FAAH2: variants seen among roughly 807,000 people sequenced by gnomAD.
The protein encoded by FAAH2 is fatty-acid amide hydrolase 2.
In FAAH2, 60 loss-of-function variants were observed where a neutral mutation model predicts 36.9. The observed-to-expected ratio is 1.63, with a 90% confidence interval of 1.32 to 2.02. The LOEUF (loss-of-function observed/expected upper bound fraction) is 2.02. Among genes scored for constraint, FAAH2 ranks in the 30% most tolerant of loss-of-function variants. The probability of loss-of-function intolerance (pLI) is 0.00; values close to 1 mark genes in which losing one functional copy is unlikely to be tolerated. For synonymous variants in FAAH2, 214 were observed against 143.8 expected, an observed-to-expected ratio of 1.49 and a Z score of -3.49; for missense variants, 689 against 397.5, an observed-to-expected ratio of 1.73 and a Z score of -6.23.
chrX:57,241,698 T>A, the FAAH2 span, among the ~76,000 whole-genome samples: 15 of 111,972 alleles, frequency 1.3e-4, no homozygotes, highest in East Asian at 2.0e-3. Context: ...ACCCCAATCC[T>A]ACCTTTCCCC....
chrX:57,248,861 C>T, the FAAH2 span, among the ~76,000 whole-genome samples: 4 of 69,652 alleles, frequency 5.7e-5, no homozygotes, highest in Non-Finnish European at 1.0e-4. Flanking sequence ...GACCTTTGTA[C>T]TATTTGGTAC....
intron 5 of FAAH2, among the ~76,000 whole-genome samples, chrX:57,351,263 A>G (rs2053992306): frequency 9.0e-6 from 1 of 111,678 alleles, no homozygotes; most frequent in Non-Finnish European, 1.9e-5. Flanking sequence ...AAAGAATTTA[A>G]GATGGAAAGC....
intron 7 of FAAH2, among the ~76,000 whole-genome samples, chrX:57,428,082 A>G (rs1475479455): frequency 8.9e-6 from 1 of 111,879 alleles, no homozygotes; most frequent in African/African-American, 3.2e-5. Context: ...ATGTACAAAA[A>G]TTACTATTTA....
At chrX:57,158,072 C>A in the FAAH2 span, among the ~76,000 whole-genome samples, 1 of 111,076 alleles carries the variant, frequency 9.0e-6, no homozygotes, top group Non-Finnish European at 1.9e-5. Flanking sequence ...TTGCTCAATT[C>A]GCACCAATGA....
intron 5 of FAAH2, among the ~76,000 whole-genome samples, chrX:57,373,387 A>G (rs1273616676): frequency 1.5e-5 from 1 of 64,525 alleles, no homozygotes; most frequent in Non-Finnish European, 4.3e-5. Flanking sequence ...CCATGCCAAC[A>G]TCTTTTTTTT....
At chrX:57,195,067 A>G in the FAAH2 span, among the ~76,000 whole-genome samples, 1 of 111,354 alleles carries the variant, frequency 9.0e-6, no homozygotes, top group African/African-American at 3.3e-5. Flanking sequence ...TTCTGCTGCT[A>G]TAAACATGCA....
At chrX:57,471,340 G>C (rs1413060486) in intron 10 of FAAH2, among the ~76,000 whole-genome samples, 1 of 112,038 alleles carries the variant, frequency 8.9e-6, no homozygotes, top group Admixed American at 9.5e-5. Flanking sequence ...TGTAAATCTA[G>C]AAATCCCCAT....
the FAAH2 span, among the ~76,000 whole-genome samples, chrX:57,129,270 A>G: frequency 0.13 from 14,653 of 110,962 alleles, 1,999 homozygotes; most frequent in African/African-American, 0.42. Flanking sequence ...TTTGAATACC[A>G]ATGATGTACT....
chrX:57,317,829 G>A (rs1326274975), intron 3 of FAAH2, among the ~76,000 whole-genome samples: 1 of 111,987 alleles, frequency 8.9e-6, no homozygotes, highest in African/African-American at 3.2e-5. Context: ...TCAGACCACA[G>A]TGCAATCAAA....
chrX:57,372,952 C>T (rs1010008508), intron 5 of FAAH2, among the ~76,000 whole-genome samples: 2 of 110,757 alleles, frequency 1.8e-5, no homozygotes, highest in African/African-American at 6.5e-5. Context: ...TTAGCTTCCA[C>T]GTATGAGTGA....
At chrX:57,384,332 A>G (rs1334525662) in intron 7 of FAAH2, among the ~76,000 whole-genome samples, 1 of 102,292 alleles carries the variant, frequency 9.8e-6, no homozygotes, top group Non-Finnish European at 2.1e-5. Flanking sequence ...ATGGGATCTA[A>G]TTAAACTCAA....
At chrX:57,368,372 C>A (rs923896261) in intron 5 of FAAH2, among the ~76,000 whole-genome samples, 3 of 110,588 alleles carry the variant, frequency 2.7e-5, no homozygotes, top group Non-Finnish European at 5.7e-5. Flanking sequence ...AGCTTGTGGG[C>A]AAGCTCAGCA....
intron 10 of FAAH2, among the ~76,000 whole-genome samples, chrX:57,482,556 C>A (rs1382729787): frequency 9.1e-6 from 1 of 110,135 alleles, no homozygotes; most frequent in Non-Finnish European, 1.9e-5. Context: ...TGCTCACCCT[C>A]CTGTGGGTTG....
At chrX:57,207,895 G>C in the FAAH2 span, among the ~76,000 whole-genome samples, 1 of 112,963 alleles carries the variant, frequency 8.9e-6, no homozygotes, top group Non-Finnish European at 1.9e-5. Context: ...TTGTACAGGG[G>C]TGAGGGAATG....
At chrX:57,338,582 A>G (rs1235457662) in intron 4 of FAAH2, among the ~76,000 whole-genome samples, 2 of 111,622 alleles carry the variant, frequency 1.8e-5, no homozygotes, top group African/African-American at 6.5e-5. Flanking sequence ...TACAAACTCA[A>G]TGTGCAAAAA....
At chrX:57,397,567 T>C (rs965390202) in intron 7 of FAAH2, among the ~76,000 whole-genome samples, 16 of 111,471 alleles carry the variant, frequency 1.4e-4, no homozygotes, top group African/African-American at 4.9e-4. Context: ...TGGCATTTTT[T>C]TTTTCTTCAC....
chrX:57,229,878 C>T, the FAAH2 span, among the ~76,000 whole-genome samples: 1 of 111,507 alleles, frequency 9.0e-6, no homozygotes, highest in Non-Finnish European at 1.9e-5. Context: ...TTTATTCTTG[C>T]TTTTATCCTG....
the FAAH2 span, among the ~76,000 whole-genome samples, chrX:57,144,844 C>T: frequency 1.1e-4 from 12 of 109,543 alleles, no homozygotes; most frequent in Non-Finnish European, 2.1e-4. Context: ...CTGCAAATGC[C>T]GTTAATTCAT....
chrX:57,448,520 G>T lies in FAAH2; in HGVS notation c.1229-4G>T, dbSNP rs2056725793. 2.5e-6 allele frequency: 3 copies of T among 1,204,177 alleles called. No homozygotes were observed. In the African/African-American group the frequency reaches 5.3e-5, roughly 21 times the overall value. ...TTAACTTGATATATGATATCATTCTGTAGGACTGGCTTTGTTGGAAGAAAA... is the reference window on the plus strand; with the variant it reads ...TTAACTTGATATATGATATCATTCTTTAGGACTGGCTTTGTTGGAAGAAAA... On this transcript the variant is annotated splice_polypyrimidine_tract_variant and splice_region_variant and intron_variant, in intron 9 of 10. Coordinates refer to ENST00000374900, the MANE Select transcript of FAAH2 (RefSeq NM_174912.4).
Sources: gnomAD v4.1 joint callset for allele counts (sites outside exome capture counted in the v4.1 genomes callset) on GRCh38, gnomAD v4.1.1 for gene constraint, MANE v1.5 for transcripts, NCBI Gene and HGNC (gene_info 2026-07-23, HGNC 2026-07-21) for gene names.